PACS2: variants seen among roughly 807,000 people sequenced by gnomAD.
PACS2 encodes phosphofurin acidic cluster sorting protein 2.
In PACS2, 36 loss-of-function variants were observed where a neutral mutation model predicts 113.0. That is an observed-to-expected ratio of 0.32 (90% CI 0.24 to 0.42). The LOEUF is 0.42. Ranked by LOEUF, PACS2 falls within the 10% of genes least tolerant of loss-of-function variation. PACS2 has a pLI of 1.00. For synonymous variants in PACS2, 589 were observed against 536.1 expected, an observed-to-expected ratio of 1.10 and a Z score of -1.36; for missense variants, 1,015 against 1,239.5, an observed-to-expected ratio of 0.82 and a Z score of 2.72.
intron 1 of PACS2, among the ~76,000 whole-genome samples, chr14:105,302,470 T>C (rs1195462259): frequency 6.6e-6 from 1 of 152,172 alleles, no homozygotes; most frequent in African/African-American, 2.4e-5. Flanking sequence ...CCCAAAGTGC[T>C]GGGATTACAG....
rs587743057 is a variant in PACS2, at chr14:105,364,442, C to T, written c.424-2771C>T. 2.1e-3 allele frequency among the ~76,000 whole-genome samples: 252 copies of T among 121,196 alleles called. 3 individuals carry two copies. Among genetic ancestry groups the T allele is most frequent in the East Asian group, 9.0e-3 (38 of 4,226 alleles). 79.5% of individuals were successfully genotyped at this position (121,196 alleles called of 152,430 possible). On this transcript the variant is annotated intron_variant, in intron 4 of 24. Coordinates refer to ENST00000447393, the MANE Select transcript of PACS2 (RefSeq NM_001100913.3). The stretch of plus-strand genomic sequence containing the variant: ...GGTGTCCCGGGTGCGCGGTGGGCGG[C>T]GTCCCGGGTGCGCGGTGGGCGGCGT...
rs1365743641 is a variant in PACS2, at chr14:105,354,662, C to G, written c.298-390C>G. ...CCCTCCCCGCCCTGTGTGCCCCTCG[C>G]GGAAAAGCGTCCTGGGTCCCACCTT... On this transcript the variant is annotated intron_variant, in intron 3 of 24. Transcript: ENST00000447393. The surrounding 1 kb of genome is among the most constrained non-coding windows in gnomAD (Gnocchi z 4.2). Among the ~76,000 whole-genome samples the G allele has an allele frequency of 2.0e-5, 3 of 152,176 alleles. No individual in the cohort carries two copies. Among genetic ancestry groups the G allele is most frequent in the Admixed American group, 2.0e-4 (3 of 15,282 alleles).
At chr14:105,312,062 C>T (rs587758794), upstream of PACS2, among the ~76,000 whole-genome samples, 25 of 152,346 alleles carry the variant, frequency 1.6e-4, no homozygotes, top group African/African-American at 5.8e-4. Context: ...GAGGCCCCTC[C>T]CCCACTCCCC....
chr14:105,314,661 CGGGTCGGAG>C (rs1451278160), upstream of PACS2: 12 of 143,420 alleles, frequency 8.4e-5, no homozygotes, highest in Admixed American at 8.2e-4. Context: ...GGCGCCGGCG[CGGGTCGGAG>C]GGCGCCGGGC....
chr14:105,343,053 C>T, intron 1 of PACS2, among the ~76,000 whole-genome samples: 1 of 152,118 alleles, frequency 6.6e-6, no homozygotes, highest in Non-Finnish European at 1.5e-5. Flanking sequence ...ACTGGGCAGT[C>T]CACCCAAAAC....
At chr14:105,316,261 C>G (rs905008867) in intron 1 of PACS2, among the ~76,000 whole-genome samples, 1 of 152,262 alleles carries the variant, frequency 6.6e-6, no homozygotes, top group Non-Finnish European at 1.5e-5. Context: ...AGCATTTGCC[C>G]AAGGTCTGGG....
At position 105,361,826 on chromosome 14, in the gene PACS2, G is replaced by A. The variant is rs587607090; in HGVS notation, c.424-5387G>A. 1.6e-4 allele frequency among the ~76,000 whole-genome samples: 25 copies of A among 152,172 alleles called. 1 individual carries two copies. Among genetic ancestry groups the A allele is most frequent in the African/African-American group, 5.8e-4 (24 of 41,438 alleles). ...TAGCTGGGTGTGGTGGCACATGCCT[G>A]TAATTCCAGCTACTCAGGAGGCTGA... On this transcript the variant is annotated intron_variant, in intron 4 of 24. Transcript: ENST00000447393.
Position 105,365,444 on chromosome 14 carries a change from CT to C in PACS2, c.424-1768del, listed in dbSNP as rs1555407709. On this transcript the variant is annotated intron_variant, in intron 4 of 24. Transcript: ENST00000447393. The surrounding 1 kb of genome is among the most constrained non-coding windows in gnomAD (Gnocchi z 5.1). ...GCGGGGGCTAATCAACAACCCGCCC[CT>C]GGCCCGCTGCGGGCCCAGCAGAGCA... 1.3e-5 allele frequency among the ~76,000 whole-genome samples: 2 copies of C among 152,192 alleles called. No individual in the cohort carries two copies. The highest frequency in any genetic ancestry group is 2.9e-5 in the Non-Finnish European group (2 of 68,002).
intron 1 of PACS2, among the ~76,000 whole-genome samples, chr14:105,331,790 C>G (rs1348431641): frequency 6.6e-6 from 1 of 152,234 alleles, no homozygotes; most frequent in Admixed American, 6.5e-5. Flanking sequence ...GTGGCCCTGC[C>G]TTTCCCAAGG....
At chr14:105,373,886 A>G (rs2076280419) in intron 8 of PACS2, among the ~76,000 whole-genome samples, 1 of 152,134 alleles carries the variant, frequency 6.6e-6, no homozygotes, top group Admixed American at 6.5e-5. Flanking sequence ...TAATCCCAGC[A>G]CTTTGGGATT....
chr14:105,308,984 G>GA (rs767759347), intron 1 of PACS2, among the ~76,000 whole-genome samples: 5 of 150,104 alleles, frequency 3.3e-5, no homozygotes, highest in South Asian at 2.1e-4. Context: ...GAAAACAAAA[G>GA]AAAAAAAAAG....
At chr14:105,386,671 G>A (rs1427604550) in intron 19 of PACS2, among the ~76,000 whole-genome samples, 1 of 152,020 alleles carries the variant, frequency 6.6e-6, no homozygotes, top group African/African-American at 2.4e-5. Context: ...CCAACCCCCT[G>A]ACCTCAGTGC....
chr14:105,396,946 C>T lies in PACS2; in HGVS notation c.*2274C>T, dbSNP rs1162921644. 2 of 152,282 alleles carry T rather than the reference C, an allele frequency of 1.3e-5. No homozygotes were observed. The highest frequency in any genetic ancestry group is 4.8e-5 in the African/African-American group (2 of 41,446). The allele number at this position is 152,282 out of a possible 1,614,324, so 9.4% of individuals were successfully genotyped here. A position where few individuals can be genotyped will look rare whatever the true frequency, so the allele number is the denominator to read the frequency against. ...AGTGCATCCTGGCTGTGGGCAGCCC[C>T]TTTCCTGGAGCCCTCCTGCCTACCC... On this transcript the variant is annotated 3_prime_UTR_variant, in exon 25 of 25. Transcript: ENST00000447393.
chr14:105,312,702 G>C (rs1473732333), upstream of PACS2, among the ~76,000 whole-genome samples: 5 of 152,178 alleles, frequency 3.3e-5, no homozygotes, highest in South Asian at 2.1e-4. Flanking sequence ...CAAATAACAA[G>C]TTCTGGCTAA....
At chr14:105,390,385 A>C (rs1409815491) in intron 20 of PACS2, 4 of 298,228 alleles carry the variant, frequency 1.3e-5, no homozygotes, top group Non-Finnish European at 2.0e-5. Flanking sequence ...CCCAGTGCTC[A>C]CTTGGGCTGC....
At position 105,397,871 on chromosome 14, in the gene PACS2, G is replaced by A. The variant is rs1555417432; in HGVS notation, c.*3199G>A. 1 of 152,248 alleles carries A rather than the reference G, an allele frequency of 6.6e-6. No homozygotes were observed. Among genetic ancestry groups the A allele is most frequent in the African/African-American group, 2.4e-5 (1 of 41,460 alleles). The allele number at this position is 152,248 out of a possible 1,614,324, so 9.4% of individuals were successfully genotyped here. A position where few individuals can be genotyped will look rare whatever the true frequency, so the allele number is the denominator to read the frequency against. On this transcript the variant is annotated 3_prime_UTR_variant, in exon 25 of 25. Transcript: ENST00000447393. ...CCCGAGACCTGTCCTGCCGTCCGCG[G>A]GTGTGTGGCCTGTAGGGGACTGAGA...
chr14:105,317,946 G>C lies in PACS2; in HGVS notation c.119+2909G>C, dbSNP rs751463670. On this transcript the variant is annotated intron_variant, in intron 1 of 24. Transcript: ENST00000447393. The surrounding 1 kb of genome is among the most constrained non-coding windows in gnomAD (Gnocchi z 4.2). Reference sequence around the variant, plus strand: ...CTTTTGGCTCAGCACTGTTACACACGGTGCTCCTAGGTGGTCCACGGGGTA... The same window carrying C: ...CTTTTGGCTCAGCACTGTTACACACCGTGCTCCTAGGTGGTCCACGGGGTA... Among the ~76,000 whole-genome samples the C allele has an allele frequency of 1.3e-5, 2 of 152,084 alleles. No individual in the cohort carries two copies. Among genetic ancestry groups the C allele is most frequent in the African/African-American group, 4.8e-5 (2 of 41,406 alleles).
intron 23 of PACS2, 113 bp downstream of exon 23, chr14:105,392,958 A>G (rs1348530436): frequency 9.8e-6 from 8 of 819,086 alleles, no homozygotes; most frequent in South Asian, 6.2e-5. Context: ...GGCAGCCCAC[A>G]TGCGCAGGCA....
In PACS2 at chr14:105,367,366, A is replaced by G; in HGVS notation, c.577A>G (p.Lys193Glu). ...DSTMQAGPKA[K>E]STDNYSEEEY... ...CACCATGCAGGCCGGCCCCAAGGCC[A>G]AGTCCACGGGTGAGTGTGGTGCCAG... Residue 193 changes from lysine (K) to glutamate (E), a missense_variant, in exon 5 of 25, where the codon AAG becomes GAG. Lys to Glu is a moderately conservative substitution (Grantham distance 56). Coordinates refer to ENST00000447393, the MANE Select transcript of PACS2 (RefSeq NM_001100913.3). 2 of 1,613,166 alleles carry G rather than the reference A, an allele frequency of 1.2e-6. No individual in the cohort carries two copies. Among genetic ancestry groups the G allele is most frequent in the Non-Finnish European group, 1.7e-6 (2 of 1,179,920 alleles).
Sources: gnomAD v4.1 joint callset for allele counts (sites outside exome capture counted in the v4.1 genomes callset) on GRCh38, gnomAD v4.1.1 for gene constraint, Gnocchi (gnomAD v3.1) non-coding constraint, MANE v1.5 for transcripts, NCBI Gene and HGNC (gene_info 2026-07-23, HGNC 2026-07-21) for gene names.